Variants in ROBO2 observed in about 807,000 individuals in gnomAD.
ROBO2 encodes roundabout homolog 2.
ROBO2 carries 53 observed loss-of-function variants against 160.8 expected under a neutral mutation model. The observed-to-expected ratio is 0.33, with a 90% CI of 0.26 to 0.41. The LOEUF (loss-of-function observed/expected upper bound fraction) is 0.41. Among genes scored for constraint, ROBO2 ranks in the 10% least tolerant of loss-of-function variants. The pLI is 1.00. For missense variants in ROBO2, 1,577 were observed against 1,722.4 expected (o/e 0.92, Z 1.49); for synonymous variants, 664 against 611.7 (o/e 1.09, Z -1.26).
chr3:77,212,976 C>T (rs2084392759), intron 2 of ROBO2, among the ~76,000 whole-genome samples: 2 of 152,212 alleles, frequency 1.3e-5, no homozygotes, highest in Non-Finnish European at 2.9e-5. Flanking sequence ...ATTCAGTTGG[C>T]CAGTATTTTG....
intron 2 of ROBO2, 125 bp downstream of exon 2, chr3:77,098,465 C>A (rs1475921532): frequency 3.0e-6 from 3 of 1,002,814 alleles, no homozygotes; most frequent in Non-Finnish European, 4.5e-6. Context: ...TTTACTTGGT[C>A]TTCTTCAGAG....
At chr3:76,532,109 A>G (rs1266234610) in intron 2 of ROBO2, among the ~76,000 whole-genome samples, 1 of 152,164 alleles carries the variant, frequency 6.6e-6, no homozygotes, top group African/African-American at 2.4e-5. Context: ...TTTGTCTACA[A>G]GAGTGTCCTA....
intron 4 of ROBO2, among the ~76,000 whole-genome samples, chr3:77,492,498 G>T (rs1251145643): frequency 6.6e-6 from 1 of 151,702 alleles, no homozygotes; most frequent in Non-Finnish European, 1.5e-5. Flanking sequence ...AAGAAGAAAG[G>T]ATGAAAACAG....
At chr3:76,397,082 G>T (rs575504875) in intron 2 of ROBO2, among the ~76,000 whole-genome samples, 1 of 152,190 alleles carries the variant, frequency 6.6e-6, no homozygotes, top group South Asian at 2.1e-4. Flanking sequence ...TATACTACAC[G>T]GCTACAGTAA....
chr3:76,796,906 A>G lies in ROBO2; in HGVS notation c.110-301108A>G, dbSNP rs58505151. 1.8e-3 allele frequency among the ~76,000 whole-genome samples: 277 copies of G among 152,300 alleles called. 1 individual carries two copies. The highest frequency in any genetic ancestry group is 6.1e-3 in the African/African-American group (255 of 41,572). ...TTCAGGAAGAGGATATAACAAGTGT[A>G]AATATATATGCACCCAACATTGGAG... On this transcript the variant is annotated intron_variant, in intron 2 of 26. Transcript: ENST00000487694.
intron 2 of ROBO2, among the ~76,000 whole-genome samples, chr3:76,806,274 A>G (rs915902675): frequency 6.1e-5 from 9 of 148,028 alleles, no homozygotes; most frequent in African/African-American, 2.2e-4. Flanking sequence ...TGTACACATA[A>G]ATACATTTTT....
At chr3:76,425,518 G>C (rs868830560) in intron 2 of ROBO2, among the ~76,000 whole-genome samples, 6 of 146,328 alleles carry the variant, frequency 4.1e-5, no homozygotes, top group Non-Finnish European at 9.0e-5. Context: ...GTGTGTGTGT[G>C]TGTGTGTCTG....
intron 19 of ROBO2, among the ~76,000 whole-genome samples, chr3:77,599,336 A>C (rs909010648): frequency 3.3e-5 from 5 of 152,056 alleles, no homozygotes; most frequent in African/African-American, 1.2e-4. Context: ...TTGTATTGTA[A>C]AGGCAGATTC....
At chr3:76,990,479 T>C (rs746867388) in intron 2 of ROBO2, among the ~76,000 whole-genome samples, 5 of 152,158 alleles carry the variant, frequency 3.3e-5, no homozygotes, top group Non-Finnish European at 5.9e-5. Context: ...AACCTTGATA[T>C]TCAGAATATA....
At chr3:77,583,256 G>T (rs929425082) in intron 16 of ROBO2, among the ~76,000 whole-genome samples, 1 of 151,820 alleles carries the variant, frequency 6.6e-6, no homozygotes, top group Non-Finnish European at 1.5e-5. Flanking sequence ...CAATGTTTGG[G>T]TTAGTCTTGG....
At chr3:77,165,468 G>C (rs1248601885) in intron 2 of ROBO2, among the ~76,000 whole-genome samples, 1 of 148,010 alleles carries the variant, frequency 6.8e-6, no homozygotes, top group Non-Finnish European at 1.5e-5. Context: ...AGAGACCTTT[G>C]TTCACTTGTT....
chr3:77,539,681 G>A (rs1365990233), intron 6 of ROBO2, among the ~76,000 whole-genome samples: 4 of 151,812 alleles, frequency 2.6e-5, no homozygotes, highest in African/African-American at 9.7e-5. Flanking sequence ...GGCTTTTCTA[G>A]GTGAAAAAAA....
chr3:77,553,723 G>A (rs576370242), intron 8 of ROBO2, among the ~76,000 whole-genome samples: 168 of 152,050 alleles, frequency 1.1e-3, no homozygotes, highest in African/African-American at 3.9e-3. Context: ...CTAATCCAGA[G>A]CAAGGCCCTA....
intron 2 of ROBO2, among the ~76,000 whole-genome samples, chr3:76,978,185 C>A (rs562790378): frequency 4.6e-5 from 7 of 152,100 alleles, no homozygotes; most frequent in African/African-American, 1.7e-4. Context: ...AGCAGAGAAC[C>A]TACTTCAAGG....
In ROBO2 at chr3:77,263,944, T is replaced by G. The variant is rs569192496; in HGVS notation, c.388+165604T>G. 1.2e-4 allele frequency among the ~76,000 whole-genome samples: 18 copies of G among 150,396 alleles called. No individual in the cohort carries two copies. The South Asian group carries it at 3.7e-3, about 31-fold the overall frequency. On this transcript the variant is annotated intron_variant, in intron 2 of 25. Coordinates refer to ENST00000461745, the Ensembl canonical transcript of ROBO2. The stretch of plus-strand genomic sequence containing the variant: ...TGTTCTCAGATGTAAAATAAACTGT[T>G]GTGAGAATTTAATGAATTAATTATT...
intron 5 of ROBO2, among the ~76,000 whole-genome samples, chr3:77,498,595 A>G (rs2087110990): frequency 6.6e-6 from 1 of 152,038 alleles, no homozygotes; most frequent in African/African-American, 2.4e-5. Flanking sequence ...AACTGAATGG[A>G]ACTACTTATA....
At chr3:77,477,831 T>A (rs1031421360) in intron 3 of ROBO2, among the ~76,000 whole-genome samples, 1 of 23,974 alleles carries the variant, frequency 4.2e-5, no homozygotes, top group Non-Finnish European at 6.8e-5. Context: ...ATTTTAGCTC[T>A]TTTTTTTTTT....
chr3:76,478,213 G>A (rs906700715), intron 2 of ROBO2, among the ~76,000 whole-genome samples: 14 of 127,902 alleles, frequency 1.1e-4, no homozygotes, highest in African/African-American at 3.6e-4. Context: ...AGAGTGTGAT[G>A]TTCCCCTTCC....
chr3:76,630,682 T>C (rs1232634133), intron 2 of ROBO2, among the ~76,000 whole-genome samples: 1 of 152,162 alleles, frequency 6.6e-6, no homozygotes, highest in Non-Finnish European at 1.5e-5. Flanking sequence ...AATGGAGAAA[T>C]TGACAAAGAT....
Sources: allele counts gnomAD v4.1 joint callset (sites outside exome capture counted in the v4.1 genomes callset), GRCh38; gene constraint gnomAD v4.1.1; transcripts MANE v1.5; gene names NCBI Gene and HGNC (gene_info 2026-07-23, HGNC 2026-07-21).